Variants in SRC observed in about 807,000 individuals in gnomAD.
SRC encodes the protein SRC proto-oncogene, non-receptor tyrosine kinase.
Under a neutral mutation model 62.9 loss-of-function variants are expected in SRC, and 13 were observed. The observed-to-expected ratio is 0.21, with a 90% CI of 0.13 to 0.33. SRC has a LOEUF of 0.33. Among genes scored for constraint, SRC ranks in the 10% least tolerant of loss-of-function variants. The probability of loss-of-function intolerance (pLI) is 1.00; values close to 1 mark genes in which losing one functional copy is unlikely to be tolerated. For missense variants in SRC, 457 were observed against 737.3 expected (o/e 0.62, Z 4.40); for synonymous variants, 302 against 317.5 (o/e 0.95, Z 0.52).
intron 1 of SRC, among the ~76,000 whole-genome samples, chr20:37,350,425 A>C (rs2069784890): frequency 6.6e-6 from 1 of 152,204 alleles, no homozygotes. Context: ...AAATGGGCCT[A>C]GGGCTTGTAC....
intron 2 of SRC, among the ~76,000 whole-genome samples, chr20:37,375,689 T>G (rs1478547707): frequency 3.9e-5 from 6 of 152,200 alleles, no homozygotes; most frequent in African/African-American, 7.2e-5. Context: ...TTTTCTAAGC[T>G]AATTGTATTG....
Position 37,353,701 on chromosome 20 carries a change from G to T in SRC, c.-247+7446G>T, listed in dbSNP as rs1285328033. 3.3e-5 allele frequency among the ~76,000 whole-genome samples: 5 copies of T among 152,200 alleles called. No homozygotes were observed. The South Asian group carries it at 1.0e-3, about 32-fold the overall frequency. ...CAGGGGACTTGCCCAAGGTCATCCAGTGCATGGATTTGAACCCAGGGCTTC... is the reference window on the plus strand; with the variant it reads ...CAGGGGACTTGCCCAAGGTCATCCATTGCATGGATTTGAACCCAGGGCTTC... On this transcript the variant is annotated intron_variant, in intron 1 of 13. Transcript: ENST00000373578.
chr20:37,400,152 C>A lies in SRC; in HGVS notation c.897C>A (p.Thr299=). 6.2e-7 allele frequency: 1 copy of A among 1,612,932 alleles called. No individual in the cohort carries two copies. Among genetic ancestry groups the A allele is most frequent in the Non-Finnish European group, 8.5e-7 (1 of 1,179,584 alleles). The change falls in exon 10 of 14, where the codon ACC becomes ACA. Residue 299 remains threonine (T), a synonymous_variant. Coordinates refer to ENST00000373578, the MANE Select transcript of SRC (RefSeq NM_198291.3). ...WNGTTRVAIK[T]LKPGTMSPEA... ...GTACCACCAGGGTGGCCATCAAAACCCTGAAGCCTGGCACGATGTCTCCAG... is the reference window on the plus strand; with the variant it reads ...GTACCACCAGGGTGGCCATCAAAACACTGAAGCCTGGCACGATGTCTCCAG...
intron 1 of SRC, among the ~76,000 whole-genome samples, chr20:37,356,873 C>T (rs1040337407): frequency 2.6e-5 from 4 of 152,334 alleles, no homozygotes; most frequent in Admixed American, 1.3e-4. Context: ...AGAATCCAGG[C>T]TTTGTTACCT....
intron 1 of SRC, among the ~76,000 whole-genome samples, chr20:37,358,539 C>T (rs2069917378): frequency 6.6e-6 from 1 of 152,228 alleles, no homozygotes; most frequent in Admixed American, 6.5e-5. Flanking sequence ...CTCTCCTTGC[C>T]CTCTTCAGGC....
intron 1 of SRC, among the ~76,000 whole-genome samples, chr20:37,353,944 G>A (rs1353041225): frequency 6.6e-6 from 1 of 152,218 alleles, no homozygotes. Context: ...TCTGAAAAAT[G>A]AGCCTAGTGG....
upstream of SRC, among the ~76,000 whole-genome samples, chr20:37,345,623 A>G (rs1430775099): frequency 3.9e-5 from 6 of 152,216 alleles, no homozygotes; most frequent in Non-Finnish European, 7.3e-5. Flanking sequence ...GGTTCTTGTC[A>G]GTGCCTCAGT....
chr20:37,384,454 G>A lies in SRC; in HGVS notation c.250+51G>A, dbSNP rs1354137412. 5 of 1,300,828 alleles carry A rather than the reference G, an allele frequency of 3.8e-6. No individual in the cohort carries two copies. The highest frequency in any genetic ancestry group is 4.3e-5 in the Admixed American group (1 of 23,322). The allele number at this position is 1,300,828 out of a possible 1,614,324, so 80.6% of individuals were successfully genotyped here. On this transcript the variant is annotated intron_variant, in intron 4 of 13. Transcript: ENST00000373578. The surrounding 1 kb of genome is among the most constrained non-coding windows in gnomAD (Gnocchi z 6.7). ...CTCGCCCACCTGGGGCCACGGCGGG[G>A]AGGCGGCGGGGCTGTGTGCCCGGGG...
chr20:37,401,742 A>G (rs1372305860), intron 11 of SRC, 64 bp downstream of exon 11: 2 of 1,321,278 alleles, frequency 1.5e-6, no homozygotes, highest in African/African-American at 3.0e-5. Flanking sequence ...CATCTGGTGC[A>G]GCCAGTTCTG....
At chr20:37,369,873 A>C (rs6018083) in intron 2 of SRC, among the ~76,000 whole-genome samples, 43,172 of 151,642 alleles carry the variant, frequency 0.28, 8,341 homozygotes, top group African/African-American at 0.56. Context: ...GATCTTGGCT[A>C]ACTGAAACCT....
intron 2 of SRC, among the ~76,000 whole-genome samples, chr20:37,370,984 C>CT (rs1396272828): frequency 7.4e-6 from 1 of 135,800 alleles, no homozygotes; most frequent in African/African-American, 3.2e-5. Context: ...TCTTCTTCTT[C>CT]TTCTTCTTTT....
At chr20:37,400,981 T>G (rs1346165667) in intron 10 of SRC, among the ~76,000 whole-genome samples, 2 of 152,092 alleles carry the variant, frequency 1.3e-5, no homozygotes, top group African/African-American at 2.4e-5. Flanking sequence ...ATGCATTGTT[T>G]TTTTACTTTT....
chr20:37,355,875 A>AG (rs1230753067), intron 1 of SRC, among the ~76,000 whole-genome samples: 1 of 152,134 alleles, frequency 6.6e-6, no homozygotes, highest in African/African-American at 2.4e-5. Flanking sequence ...GCCAGGTACA[A>AG]GGGGGTTAGA....
rs781689583 is a variant in SRC, at chr20:37,384,397, C to CT, written c.245dup (p.Ala83GlyfsTer12). ...CACCTCCCCGCAGAGGGCGGGCCCG[C>CT]TGGCCGGTCAGTGCGCGGGCGGCGC... On this transcript the variant is annotated frameshift_variant, in exon 4 of 14. Transcript: ENST00000373578. LOFTEE classifies it high-confidence loss of function. The surrounding 1 kb of genome is among the most constrained non-coding windows in gnomAD (Gnocchi z 6.7). The CT allele has an allele frequency of 7.0e-7, 1 of 1,421,596 alleles. No homozygotes were observed. The highest frequency in any genetic ancestry group is 1.4e-5 in the South Asian group (1 of 70,370). 88.1% of individuals were successfully genotyped at this position (1,421,596 alleles called of 1,614,324 possible). A position where few individuals can be genotyped will look rare whatever the true frequency, so the allele number is the denominator to read the frequency against.
At chr20:37,399,375 C>T (rs1368264231) in intron 9 of SRC, among the ~76,000 whole-genome samples, 1 of 152,112 alleles carries the variant, frequency 6.6e-6, no homozygotes, top group Admixed American at 6.5e-5. Flanking sequence ...CTTAGAAATC[C>T]CTGGGCCAGC....
chr20:37,372,830 C>A (rs1355750431), intron 2 of SRC, among the ~76,000 whole-genome samples: 2 of 151,956 alleles, frequency 1.3e-5, no homozygotes, highest in Non-Finnish European at 2.9e-5. Flanking sequence ...CCTTACCTAT[C>A]ATATGAGTTG....
rs539437983 is a variant in SRC at position 37,397,960 on chromosome 20, G to A, written c.859+106G>A. 18 of 1,372,384 alleles carry A rather than the reference G, an allele frequency of 1.3e-5. No individual in the cohort carries two copies. Among genetic ancestry groups the A allele is most frequent in the East Asian group, 5.1e-5 (2 of 39,410 alleles). The allele number at this position is 1,372,384 out of a possible 1,614,324, so 85.0% of individuals were successfully genotyped here. A position where few individuals can be genotyped will look rare whatever the true frequency, so the allele number is the denominator to read the frequency against. On this transcript the variant is annotated intron_variant, in intron 9 of 13. Coordinates refer to ENST00000373578, the MANE Select transcript of SRC (RefSeq NM_198291.3). This position sits in a 1 kb window ranked among gnomAD's most constrained non-coding sequence, Gnocchi z 4.1. The stretch of plus-strand genomic sequence containing the variant: ...CCTTTAGCTGCCTCTGCTGGATGAC[G>A]GGGCCCTGTTGTAAATCTGGAGCTC...
At chr20:37,352,852 G>A (rs1276674944) in intron 1 of SRC, among the ~76,000 whole-genome samples, 3 of 152,162 alleles carry the variant, frequency 2.0e-5, no homozygotes, top group African/African-American at 4.8e-5. Flanking sequence ...ACTGCCTGGT[G>A]TGCCCTCCCT....
At chr20:37,364,986 A>G (rs2070039018) in intron 1 of SRC, among the ~76,000 whole-genome samples, 1 of 152,050 alleles carries the variant, frequency 6.6e-6, no homozygotes, top group African/African-American at 2.4e-5. Context: ...TCCCAGCCAG[A>G]GGAGATGCTG....
Sources: allele counts gnomAD v4.1 joint callset (sites outside exome capture counted in the v4.1 genomes callset), GRCh38; gene constraint gnomAD v4.1.1; non-coding constraint Gnocchi (gnomAD v3.1); transcripts MANE v1.5; gene names NCBI Gene and HGNC (gene_info 2026-07-23, HGNC 2026-07-21).